Variants in ST6GALNAC3 observed in about 807,000 individuals in gnomAD.
The protein encoded by ST6GALNAC3 is ST6 N-acetylgalactosaminide alpha-2,6-sialyltransferase 3.
A neutral mutation model predicts 32.7 loss-of-function variants in ST6GALNAC3; 25 were observed. The observed-to-expected ratio is 0.76, with a 90% CI of 0.56 to 1.07. The LOEUF (loss-of-function observed/expected upper bound fraction) is 1.07, where lower values mean the gene tolerates loss of function less well. Among genes scored for constraint, ST6GALNAC3 ranks in the 50% least tolerant of loss-of-function variants. ST6GALNAC3 has a pLI of 0.00. For synonymous variants in ST6GALNAC3, 129 were observed against 133.1 expected (o/e 0.97, Z 0.21); for missense variants, 355 against 382.4 (o/e 0.93, Z 0.60).
At chr1:76,331,904 C>G (rs1242521719) in intron 2 of ST6GALNAC3, among the ~76,000 whole-genome samples, 1 of 152,160 alleles carries the variant, frequency 6.6e-6, no homozygotes, top group Non-Finnish European at 1.5e-5. Context: ...TATGTAGAGA[C>G]CTGCCTAAAA....
intron 2 of ST6GALNAC3, among the ~76,000 whole-genome samples, chr1:76,331,615 G>A (rs1271550612): frequency 6.6e-6 from 1 of 152,064 alleles, no homozygotes; most frequent in Non-Finnish European, 1.5e-5. Context: ...CCAATTACTT[G>A]CAGATTCTCA....
At chr1:76,170,555 T>A (rs1010813024) in intron 1 of ST6GALNAC3, among the ~76,000 whole-genome samples, 13 of 152,232 alleles carry the variant, frequency 8.5e-5, no homozygotes, top group Non-Finnish European at 1.5e-5. Flanking sequence ...GGTTTATTAC[T>A]TTACTGGCCA....
chr1:76,116,660 G>A (rs1047773778), intron 1 of ST6GALNAC3, among the ~76,000 whole-genome samples: 2 of 152,156 alleles, frequency 1.3e-5, no homozygotes, highest in Non-Finnish European at 2.9e-5. Flanking sequence ...GCTGGGTGCG[G>A]TGGCTCACAC....
At chr1:76,597,483 G>A (rs892527434) in intron 3 of ST6GALNAC3, among the ~76,000 whole-genome samples, 61 of 152,016 alleles carry the variant, frequency 4.0e-4, no homozygotes, top group Middle Eastern at 3.2e-3. Context: ...CCAAGGTGAT[G>A]TGAAAAATGT....
intron 3 of ST6GALNAC3, among the ~76,000 whole-genome samples, chr1:76,508,175 T>C (rs1272376921): frequency 1.3e-5 from 2 of 151,704 alleles, no homozygotes; most frequent in African/African-American, 4.9e-5. Flanking sequence ...GGTGTGGATG[T>C]GGGGGATAGC....
rs550653898 is a variant in ST6GALNAC3, at chr1:76,576,071, G to C, written c.624-51381G>C. 3.9e-4 allele frequency among the ~76,000 whole-genome samples: 60 copies of C among 152,114 alleles called. 1 individual carries two copies. Among genetic ancestry groups the C allele is most frequent in the African/African-American group, 1.3e-3 (52 of 41,524 alleles). On this transcript the variant is annotated intron_variant, in intron 3 of 4. Transcript: ENST00000328299. Reference sequence around the variant, plus strand: ...CAGAAGGTTGGGGAGGGAAAGGATGGTTTCTCTAAACAGGGAACAGGTGGC... The same window carrying C: ...CAGAAGGTTGGGGAGGGAAAGGATGCTTTCTCTAAACAGGGAACAGGTGGC...
At chr1:76,530,203 T>C (rs937314078) in intron 3 of ST6GALNAC3, among the ~76,000 whole-genome samples, 5 of 152,188 alleles carry the variant, frequency 3.3e-5, no homozygotes, top group Non-Finnish European at 2.9e-5. Flanking sequence ...GCAAGGTTTT[T>C]ATTTCCGTTC....
intron 3 of ST6GALNAC3, among the ~76,000 whole-genome samples, chr1:76,618,253 T>C (rs942861688): frequency 6.6e-6 from 1 of 152,186 alleles, no homozygotes; most frequent in African/African-American, 2.4e-5. Flanking sequence ...AGAATGGAGA[T>C]CCTTTGATGG....
At chr1:76,597,533 A>G (rs894020481) in intron 3 of ST6GALNAC3, among the ~76,000 whole-genome samples, 4 of 151,938 alleles carry the variant, frequency 2.6e-5, no homozygotes, top group African/African-American at 9.7e-5. Flanking sequence ...CCTCCCAGAT[A>G]CTTTATCTAG....
intron 1 of ST6GALNAC3, among the ~76,000 whole-genome samples, chr1:76,163,367 T>C (rs942315379): frequency 6.6e-6 from 1 of 152,222 alleles, no homozygotes; most frequent in Non-Finnish European, 1.5e-5. Flanking sequence ...TAATGCTTGT[T>C]GCAGAAATAT....
intron 3 of ST6GALNAC3, among the ~76,000 whole-genome samples, chr1:76,472,309 G>A (rs1397240668): frequency 1.3e-5 from 2 of 151,934 alleles, no homozygotes; most frequent in Admixed American, 6.6e-5. Context: ...TTTCTTTTCT[G>A]TTCTTTTCTT....
At chr1:76,614,718 C>CAAAAAAA (rs55744575) in intron 3 of ST6GALNAC3, among the ~76,000 whole-genome samples, 18 of 67,520 alleles carry the variant, frequency 2.7e-4, no homozygotes, top group African/African-American at 1.0e-3. Context: ...GACTCCATCT[C>CAAAAAAA]AAAAAAAAAA....
intron 3 of ST6GALNAC3, among the ~76,000 whole-genome samples, chr1:76,420,725 A>G (rs1453951075): frequency 6.6e-6 from 1 of 151,970 alleles, no homozygotes; most frequent in Non-Finnish European, 1.5e-5. Flanking sequence ...CACATACGTG[A>G]CTGCTTATCT....
rs1557732843 is a variant in ST6GALNAC3, at chr1:76,257,905, C to CAGATGT, written c.19-55900_19-55899insAGATGT. On this transcript the variant is annotated intron_variant, in intron 1 of 4. Transcript: ENST00000328299. ...TCAAATGGAATCTCATGTGGAATCT[C>CAGATGT]GCTCTATAAAGCAGATGAAAAAATG... Among the ~76,000 whole-genome samples the CAGATGT allele has an allele frequency of 2.6e-5, 4 of 152,202 alleles. No homozygotes were observed. The East Asian group carries it at 7.7e-4, about 29-fold the overall frequency.
chr1:76,507,628 A>G (rs1661561222), intron 3 of ST6GALNAC3, among the ~76,000 whole-genome samples: 1 of 152,168 alleles, frequency 6.6e-6, no homozygotes, highest in Admixed American at 6.5e-5. Context: ...TGGCTAAGTT[A>G]TACTCTGTCA....
intron 1 of ST6GALNAC3, among the ~76,000 whole-genome samples, chr1:76,249,333 A>C (rs1436541373): frequency 6.6e-6 from 1 of 152,170 alleles, no homozygotes. Context: ...CATTTTCTAT[A>C]AGTGGAATAA....
intron 3 of ST6GALNAC3, among the ~76,000 whole-genome samples, chr1:76,596,219 A>G (rs1346385188): frequency 6.6e-6 from 1 of 152,184 alleles, no homozygotes; most frequent in Non-Finnish European, 1.5e-5. Flanking sequence ...GCACTCAAGC[A>G]GAATTAATTA....
intron 2 of ST6GALNAC3, among the ~76,000 whole-genome samples, chr1:76,324,102 C>T (rs935344664): frequency 7.5e-4 from 114 of 152,006 alleles, no homozygotes; most frequent in Middle Eastern, 3.4e-3. Context: ...CTGATCCGCC[C>T]GCCTTGGCCT....
chr1:76,628,052 T>G (rs1649085112), intron 4 of ST6GALNAC3, among the ~76,000 whole-genome samples: 1 of 151,942 alleles, frequency 6.6e-6, no homozygotes, highest in Admixed American at 6.6e-5. Context: ...TTAAAATGAG[T>G]GTGTTTACCC....
Sources: allele counts gnomAD v4.1 joint callset (sites outside exome capture counted in the v4.1 genomes callset), GRCh38; gene constraint gnomAD v4.1.1; transcripts MANE v1.5; gene names NCBI Gene and HGNC (gene_info 2026-07-23, HGNC 2026-07-21).